RAPGEF4: variants seen among roughly 807,000 people sequenced by gnomAD.
The protein encoded by RAPGEF4 is Rap guanine nucleotide exchange factor 4, also known as RAP guanine-nucleotide-exchange factor (GEF) 4.
Under a neutral mutation model 147.9 loss-of-function variants are expected in RAPGEF4, and 66 were observed. That is an observed-to-expected ratio of 0.45 (90% CI 0.37 to 0.55). The LOEUF is 0.55. Among genes scored for constraint, RAPGEF4 ranks in the 20% least tolerant of loss-of-function variants. The pLI is 0.00. For missense variants in RAPGEF4, 1,071 were observed against 1,257.3 expected, an observed-to-expected ratio of 0.85 and a Z score of 2.24; for synonymous variants, 419 against 442.7, an observed-to-expected ratio of 0.95 and a Z score of 0.67.
At chr2:172,834,433 G>T (rs72900229) in intron 4 of RAPGEF4, among the ~76,000 whole-genome samples, 2,276 of 152,304 alleles carry the variant, frequency 0.015, 18 homozygotes, top group South Asian at 0.034. Context: ...CAGAGGAAGA[G>T]AACTACTCTT....
intron 4 of RAPGEF4, among the ~76,000 whole-genome samples, chr2:172,904,776 A>G (rs766469101): frequency 4.0e-5 from 6 of 151,578 alleles, no homozygotes; most frequent in Non-Finnish European, 7.4e-5. Flanking sequence ...AGCCCCCTTG[A>G]GGTGCCACAT....
intron 1 of RAPGEF4, among the ~76,000 whole-genome samples, chr2:172,769,971 G>A (rs1332542678): frequency 1.3e-5 from 2 of 152,066 alleles, no homozygotes; most frequent in African/African-American, 4.8e-5. Context: ...ATCCAAGGGT[G>A]GATAAAAAGG....
chr2:172,865,856 A>T (rs542836078), intron 4 of RAPGEF4, among the ~76,000 whole-genome samples: 3 of 152,176 alleles, frequency 2.0e-5, no homozygotes, highest in East Asian at 3.9e-4. Context: ...GTATATATAT[A>T]TTTTTATATG....
At chr2:172,824,625 G>T (rs1689463825) in intron 4 of RAPGEF4, among the ~76,000 whole-genome samples, 1 of 152,180 alleles carries the variant, frequency 6.6e-6, no homozygotes, top group Non-Finnish European at 1.5e-5. Flanking sequence ...TGATTTAGAG[G>T]TTGCCTATGT....
chr2:172,866,897 G>T (rs576726212), intron 4 of RAPGEF4, among the ~76,000 whole-genome samples: 4 of 150,998 alleles, frequency 2.6e-5, no homozygotes, highest in Admixed American at 1.3e-4. Flanking sequence ...AATTTGTCCC[G>T]CTAATTAAGC....
In RAPGEF4 at chr2:173,042,959, C is replaced by A. The variant is rs1488037191; in HGVS notation, c.2854-5641C>A. Among the ~76,000 whole-genome samples, 1 of 152,238 alleles carries A rather than the reference C, an allele frequency of 6.6e-6. No individual in the cohort carries two copies. The highest frequency in any genetic ancestry group is 1.5e-5 in the Non-Finnish European group (1 of 68,046). On this transcript the variant is annotated intron_variant, in intron 29 of 30. Transcript: ENST00000397081. This position sits in a 1 kb window ranked among gnomAD's most constrained non-coding sequence, Gnocchi z 4.2. ...ACTAAAGATCTGTAGGGAGACCGGA[C>A]TCAGGGCTCCTCCTCAATGATGCAC... is the stretch of plus-strand genomic sequence containing the variant.
chr2:172,872,462 A>T lies in RAPGEF4; in HGVS notation c.445-45340A>T, dbSNP rs371008834. ...TTTTGACATCTCATCTAAGAGGATG[A>T]AAAGTTGAACAGTGACGTGGTTTGG... On this transcript the variant is annotated intron_variant, in intron 4 of 30. Transcript: ENST00000397081. Among the ~76,000 whole-genome samples the T allele has an allele frequency of 1.3e-5, 2 of 152,282 alleles. 1 individual carries two copies. Among genetic ancestry groups the T allele is most frequent in the African/African-American group, 4.8e-5 (2 of 41,564 alleles).
chr2:172,781,187 A>G (rs1201987057), intron 1 of RAPGEF4, among the ~76,000 whole-genome samples: 1 of 152,222 alleles, frequency 6.6e-6, no homozygotes. Flanking sequence ...TGTCAACTGA[A>G]GAATAACAAT....
intron 4 of RAPGEF4, among the ~76,000 whole-genome samples, chr2:172,886,710 CT>C (rs36113414): frequency 2.8e-3 from 385 of 138,786 alleles, no homozygotes; most frequent in Non-Finnish European, 2.4e-3. Context: ...TAGGCAATGC[CT>C]TTTTTTTTTT....
chr2:172,854,535 G>T (rs74940864), intron 4 of RAPGEF4, among the ~76,000 whole-genome samples: 2,345 of 151,984 alleles, frequency 0.015, 62 homozygotes, highest in African/African-American at 0.054. Flanking sequence ...GACAATTTCT[G>T]TTTTTAATTG....
chr2:172,937,635 G>T (rs533515213), intron 6 of RAPGEF4, among the ~76,000 whole-genome samples: 1 of 152,166 alleles, frequency 6.6e-6, no homozygotes, highest in East Asian at 1.9e-4. Context: ...CTCCTGCCCC[G>T]CTTTCCATAC....
At chr2:172,954,322 G>A (rs1688515822) in intron 6 of RAPGEF4, among the ~76,000 whole-genome samples, 1 of 152,152 alleles carries the variant, frequency 6.6e-6, no homozygotes, top group Non-Finnish European at 1.5e-5. Flanking sequence ...ATTTCTGGGT[G>A]GCAGTTTGCT....
At chr2:172,934,310 C>T (rs754639223) in intron 6 of RAPGEF4, among the ~76,000 whole-genome samples, 17 of 151,826 alleles carry the variant, frequency 1.1e-4, no homozygotes, top group Non-Finnish European at 2.2e-4. Context: ...CCACCATGCC[C>T]GGCTAATTTT....
chr2:172,988,336 T>G, intron 13 of RAPGEF4, 64 bp downstream of exon 13: 2 of 1,545,930 alleles, frequency 1.3e-6, no homozygotes, highest in Non-Finnish European at 1.7e-6. Context: ...GCTCTAAGTA[T>G]TAGCAATGTA....
chr2:172,934,453 A>G (rs555748095), intron 6 of RAPGEF4, among the ~76,000 whole-genome samples: 4 of 152,088 alleles, frequency 2.6e-5, no homozygotes, highest in Non-Finnish European at 5.9e-5. Context: ...GCCCAGCCCT[A>G]TTTAATCCTT....
intron 4 of RAPGEF4, among the ~76,000 whole-genome samples, chr2:172,890,946 A>G (rs1697833653): frequency 1.3e-5 from 2 of 152,212 alleles, no homozygotes; most frequent in Admixed American, 1.3e-4. Context: ...CCTGGCCAAC[A>G]TGGCGAAACC....
chr2:172,965,503 C>T (rs1181886765), intron 8 of RAPGEF4, 59 bp from the exon 9 acceptor site: 2 of 1,566,832 alleles, frequency 1.3e-6, no homozygotes, highest in Non-Finnish European at 1.8e-6. Flanking sequence ...AAAGCCATCT[C>T]CCATCCTCTA....
chr2:172,779,686 C>T (rs1684506392), intron 1 of RAPGEF4, among the ~76,000 whole-genome samples: 1 of 152,134 alleles, frequency 6.6e-6, no homozygotes, highest in African/African-American at 2.4e-5. Flanking sequence ...AAAAGTATCA[C>T]TCTGGATCCT....
chr2:173,027,753 A>G (rs1696803029), intron 25 of RAPGEF4, among the ~76,000 whole-genome samples: 1 of 152,218 alleles, frequency 6.6e-6, no homozygotes, highest in Admixed American at 6.5e-5. Flanking sequence ...AACATCAGAA[A>G]AAGAAGCATC....
Sources: gnomAD v4.1 joint callset for allele counts (sites outside exome capture counted in the v4.1 genomes callset) on GRCh38, gnomAD v4.1.1 for gene constraint, Gnocchi (gnomAD v3.1) non-coding constraint, MANE v1.5 for transcripts, NCBI Gene and HGNC (gene_info 2026-07-23, HGNC 2026-07-21) for gene names.